MAEA: variants seen among roughly 807,000 people sequenced by gnomAD.
MAEA encodes the protein E3 ubiquitin-protein transferase MAEA.
MAEA carries 22 observed loss-of-function variants against 46.2 expected under a neutral mutation model. That is an observed-to-expected ratio of 0.48 (90% confidence interval 0.34 to 0.68). The LOEUF (loss-of-function observed/expected upper bound fraction) is 0.68. Among genes scored for constraint, MAEA ranks in the 30% least tolerant of loss-of-function variants. The probability of loss-of-function intolerance (pLI) is 0.01; values close to 1 mark genes in which losing one functional copy is unlikely to be tolerated. For missense variants in MAEA, 393 were observed against 558.1 expected, an observed-to-expected ratio of 0.70 and a Z score of 2.98; for synonymous variants, 246 against 222.6, an observed-to-expected ratio of 1.11 and a Z score of -0.94.
At chr4:1,317,411 T>C (rs1365079237) in intron 3 of MAEA, among the ~76,000 whole-genome samples, 2 of 150,630 alleles carry the variant, frequency 1.3e-5, no homozygotes, top group African/African-American at 2.5e-5. Flanking sequence ...CAGACCCACC[T>C]GGCCCCACCC....
Position 1,339,413 on chromosome 4 carries a change from T to A in MAEA, c.*244T>A. ...CATTTGATGCTTCTGAAAAGTACTT[T>A]CAACTTGCGAAGGAAACTCTTCTTT... On this transcript the variant is annotated 3_prime_UTR_variant, in exon 9 of 9. Coordinates refer to ENST00000303400, the MANE Select transcript of MAEA (RefSeq NM_001017405.3). 1 of 531,226 alleles carries A rather than the reference T, an allele frequency of 1.9e-6. No homozygotes were observed. Among genetic ancestry groups the A allele is most frequent in the South Asian group, 2.5e-5 (1 of 39,930 alleles). 32.9% of individuals were successfully genotyped at this position (531,226 alleles called of 1,614,324 possible). A position where few individuals can be genotyped will look rare whatever the true frequency, so the allele number is the denominator to read the frequency against.
chr4:1,313,537 G>A (rs1736770585), intron 2 of MAEA, among the ~76,000 whole-genome samples: 1 of 152,098 alleles, frequency 6.6e-6, no homozygotes, highest in Admixed American at 6.5e-5. Flanking sequence ...ACCAGCCTGG[G>A]CAGCACAGGG....
chr4:1,321,922 C>T (rs938467572), intron 3 of MAEA, among the ~76,000 whole-genome samples: 6 of 151,384 alleles, frequency 4.0e-5, no homozygotes, highest in Admixed American at 1.3e-4. Context: ...TTGTAACTAC[C>T]GCGATATTAG....
At chr4:1,318,449 G>A (rs1177427237) in intron 3 of MAEA, among the ~76,000 whole-genome samples, 1 of 152,214 alleles carries the variant, frequency 6.6e-6, no homozygotes, top group Non-Finnish European at 1.5e-5. Context: ...GTTGGAGTAG[G>A]CCTCAGCAGG....
At chr4:1,303,230 T>TAAAAAA in intron 1 of MAEA, among the ~76,000 whole-genome samples, 1 of 16,478 alleles carries the variant, frequency 6.1e-5, no homozygotes, top group Non-Finnish European at 1.1e-4. Flanking sequence ...CTACTAAAAA[T>TAAAAAA]ACAAAAAAAA....
At chr4:1,310,574 T>C (rs1444894482) in intron 1 of MAEA, among the ~76,000 whole-genome samples, 1 of 152,256 alleles carries the variant, frequency 6.6e-6, no homozygotes, top group African/African-American at 2.4e-5. Context: ...CTCAACATCC[T>C]GACTCATTTG....
intron 6 of MAEA, chr4:1,334,877 G>T: frequency 1.0e-6 from 1 of 985,440 alleles, no homozygotes; most frequent in Non-Finnish European, 1.2e-6. Context: ...TTCCTCCCTT[G>T]TAGACTTTGA....
intron 2 of MAEA, among the ~76,000 whole-genome samples, chr4:1,313,736 G>A (rs905118964): frequency 6.6e-6 from 1 of 151,820 alleles, no homozygotes; most frequent in Non-Finnish European, 1.5e-5. Flanking sequence ...AAAAAAGTTT[G>A]AAAGTCTCTG....
intron 1 of MAEA, among the ~76,000 whole-genome samples, chr4:1,295,978 G>A (rs1274914835): frequency 5.6e-5 from 1 of 17,986 alleles, no homozygotes; most frequent in African/African-American, 4.1e-4. Context: ...CCTCACCCAC[G>A]TCTGCACTGC....
At chr4:1,328,584 A>G (rs2108985123) in intron 5 of MAEA, 1 of 1,179,680 alleles carries the variant, frequency 8.5e-7, no homozygotes, top group South Asian at 1.5e-5. Flanking sequence ...AGGAGGGGGC[A>G]CCTGTCCATG....
chr4:1,321,848 C>T (rs1209143697), intron 3 of MAEA, among the ~76,000 whole-genome samples: 1 of 151,422 alleles, frequency 6.6e-6, no homozygotes, highest in Non-Finnish European at 1.5e-5. Context: ...TGATGCTAAG[C>T]CTGGGTTACT....
chr4:1,334,131 GCCCACCA>G, intron 6 of MAEA, among the ~76,000 whole-genome samples: 1 of 47,710 alleles, frequency 2.1e-5, no homozygotes, highest in South Asian at 6.5e-4. Flanking sequence ...CCCACCCCAT[GCCCACCA>G]TGTGCTCACC....
At position 1,308,504 on chromosome 4, in the gene MAEA, C is replaced by T. The variant is rs148491196; in HGVS notation, c.70-3475C>T. On this transcript the variant is annotated intron_variant, in intron 1 of 8. Coordinates refer to ENST00000303400, the MANE Select transcript of MAEA (RefSeq NM_001017405.3). ...TGCCTAACGTTCTGAGGAATTGCCT[C>T]GCTGCTCTACACGCTGCGCCGGGCA... Among the ~76,000 whole-genome samples the T allele has an allele frequency of 5.3e-4, 80 of 152,348 alleles. 1 individual carries two copies. Among genetic ancestry groups the T allele is most frequent in the African/African-American group, 1.7e-3 (72 of 41,576 alleles).
At chr4:1,326,976 T>C (rs1738922114) in intron 4 of MAEA, among the ~76,000 whole-genome samples, 1 of 151,668 alleles carries the variant, frequency 6.6e-6, no homozygotes, top group Non-Finnish European at 1.5e-5. Context: ...CAACCCCACA[T>C]GTGGTCCCTG....
At chr4:1,310,174 CAGAT>C (rs139158705) in intron 1 of MAEA, among the ~76,000 whole-genome samples, 9,839 of 152,254 alleles carry the variant, frequency 0.065, 1,004 homozygotes, top group African/African-American at 0.22. Context: ...AGGACACACT[CAGAT>C]AGGGTCTCCA....
At chr4:1,308,557 G>A (rs921290402) in intron 1 of MAEA, among the ~76,000 whole-genome samples, 5 of 152,208 alleles carry the variant, frequency 3.3e-5, no homozygotes, top group Admixed American at 2.6e-4. Flanking sequence ...CGCGTGTCCC[G>A]CTGCTCCGCT....
In MAEA at chr4:1,322,426, G is replaced by T. The variant is rs1431069567; in HGVS notation, c.502G>T (p.Glu168Ter). 1.2e-6 allele frequency: 2 copies of T among 1,614,112 alleles called. No homozygotes were observed. The highest frequency in any genetic ancestry group is 4.5e-5 in the East Asian group (2 of 44,872). The change falls in exon 4 of 9, where the codon GAG becomes TAG. Residue 168 changes from glutamate to a stop codon, truncating the protein, a stop_gained. Transcript: ENST00000303400. LOFTEE classifies it high-confidence loss of function. Reference protein sequence around the residue: ...EMFLTAKEVEESLERRETATC... With the variant: ...EMFLTAKEVE Reference sequence around the variant, plus strand: ...GTTCCTGACGGCCAAAGAGGTGGAGGAGTCCCTGGAGAGGCGTGAGACGGC... The same window carrying T: ...GTTCCTGACGGCCAAAGAGGTGGAGTAGTCCCTGGAGAGGCGTGAGACGGC...
intron 1 of MAEA, among the ~76,000 whole-genome samples, chr4:1,296,670 C>T (rs1481423803): frequency 6.6e-6 from 1 of 151,912 alleles, no homozygotes; most frequent in Admixed American, 6.6e-5. Context: ...GCTACTACTC[C>T]CTGTCTCTGC....
chr4:1,324,523 G>A (rs937961397), intron 4 of MAEA, among the ~76,000 whole-genome samples: 2 of 150,950 alleles, frequency 1.3e-5, no homozygotes, highest in Admixed American at 6.6e-5. Context: ...GTGGATGAGC[G>A]TGCCTGGTGT....
Sources: gnomAD v4.1 joint callset for allele counts (sites outside exome capture counted in the v4.1 genomes callset) on GRCh38, gnomAD v4.1.1 for gene constraint, MANE v1.5 for transcripts, NCBI Gene and HGNC (gene_info 2026-07-23, HGNC 2026-07-21) for gene names.